GRK3: variants seen among roughly 807,000 people sequenced by gnomAD.
GRK3 encodes G protein-coupled receptor kinase 3.
In GRK3, 54 loss-of-function variants were observed where a neutral mutation model predicts 95.7. The ratio of observed to expected loss-of-function variants is 0.56; its 90% CI spans 0.45 to 0.71. GRK3 has a LOEUF of 0.71. GRK3 is among the 30% of genes least tolerant of loss of function. The pLI is 0.00. For missense variants in GRK3, 649 were observed against 851.2 expected (o/e 0.76, Z 2.96); for synonymous variants, 281 against 290.8 (o/e 0.97, Z 0.34).
At chr22:25,702,517 G>A (rs2085266852) in intron 13 of GRK3, among the ~76,000 whole-genome samples, 2 of 152,088 alleles carry the variant, frequency 1.3e-5, no homozygotes, top group Admixed American at 6.5e-5. Flanking sequence ...TCAATCATAT[G>A]TGTCCCTTTA....
chr22:25,612,505 CAT>C (rs56804697), intron 2 of GRK3, among the ~76,000 whole-genome samples: 15,710 of 151,568 alleles, frequency 0.1, 2,607 homozygotes, highest in African/African-American at 0.36. Context: ...GGTATGTCTG[CAT>C]GTGTGTGTGT....
chr22:25,716,356 C>T (rs1380930210), intron 18 of GRK3, among the ~76,000 whole-genome samples: 1 of 152,154 alleles, frequency 6.6e-6, no homozygotes, highest in Non-Finnish European at 1.5e-5. Context: ...GCAGATTTTA[C>T]ACAGGAAATT....
chr22:25,686,855 T>A (rs1347652051), intron 10 of GRK3, among the ~76,000 whole-genome samples: 1 of 152,230 alleles, frequency 6.6e-6, no homozygotes, highest in African/African-American at 2.4e-5. Flanking sequence ...ACGGAGTCTC[T>A]GTTGCCCAGG....
At chr22:25,661,743 AG>A in intron 4 of GRK3, 66 bp downstream of exon 4, 1 of 1,033,840 alleles carries the variant, frequency 9.7e-7, no homozygotes, top group Non-Finnish European at 1.4e-6. Context: ...CAGCGTTTCC[AG>A]AATGAAAGTT....
At chr22:25,658,778 G>A (rs968925815) in intron 3 of GRK3, among the ~76,000 whole-genome samples, 6 of 152,092 alleles carry the variant, frequency 3.9e-5, no homozygotes, top group South Asian at 2.1e-4. Context: ...GGGGCGTGGC[G>A]AAAGAGTGGA....
intron 7 of GRK3, 32 bp from the exon 8 acceptor site, chr22:25,674,405 T>C: frequency 6.5e-7 from 1 of 1,539,202 alleles, no homozygotes. Flanking sequence ...TTGTGTAATC[T>C]TATGTTTTCA....
At chr22:25,700,554 T>C (rs2085250289) in intron 13 of GRK3, among the ~76,000 whole-genome samples, 1 of 152,208 alleles carries the variant, frequency 6.6e-6, no homozygotes, top group Admixed American at 6.5e-5. Context: ...AGGTTTGAAA[T>C]GCACATTTAA....
At chr22:25,661,527 A>G (rs761039758) in intron 3 of GRK3, 49 bp from the exon 4 acceptor site, 3 of 1,268,384 alleles carry the variant, frequency 2.4e-6, no homozygotes, top group Non-Finnish European at 3.4e-6. Context: ...TTAATAAGGC[A>G]AGTTTCCAGG....
At chr22:25,565,434 A>G (rs113967075) in intron 1 of GRK3, among the ~76,000 whole-genome samples, 4,686 of 152,280 alleles carry the variant, frequency 0.031, 91 homozygotes, top group African/African-American at 0.055. Context: ...ACTTGGCTGG[A>G]CCAGCTCCAT....
intron 1 of GRK3, among the ~76,000 whole-genome samples, chr22:25,574,091 G>T (rs1430062825): frequency 1.3e-5 from 2 of 152,006 alleles, no homozygotes; most frequent in Non-Finnish European, 2.9e-5. Context: ...TCATTAAGTC[G>T]GTCCATTGAT....
At chr22:25,689,361 C>T (rs1221481463) in intron 11 of GRK3, among the ~76,000 whole-genome samples, 1 of 152,024 alleles carries the variant, frequency 6.6e-6, no homozygotes, top group African/African-American at 2.4e-5. Context: ...TTTTTATTTT[C>T]TAAGCTATTT....
intron 13 of GRK3, among the ~76,000 whole-genome samples, chr22:25,697,616 C>G (rs1170643211): frequency 6.6e-6 from 1 of 152,164 alleles, no homozygotes; most frequent in East Asian, 1.9e-4. Context: ...ATGGTTGGCT[C>G]CAGCTGCTGG....
chr22:25,627,343 C>T (rs952092309), intron 2 of GRK3, among the ~76,000 whole-genome samples: 1 of 152,232 alleles, frequency 6.6e-6, no homozygotes, highest in Non-Finnish European at 1.5e-5. Context: ...ATCCCTTAGC[C>T]TGGTGGCTGA....
chr22:25,581,516 C>T (rs935242681), intron 1 of GRK3: 38 of 152,298 alleles, frequency 2.5e-4, no homozygotes, highest in African/African-American at 8.9e-4. Flanking sequence ...AAAAGAGGCT[C>T]TGTGACACTG....
intron 8 of GRK3, among the ~76,000 whole-genome samples, chr22:25,675,648 T>G (rs981035474): frequency 6.6e-6 from 1 of 152,120 alleles, no homozygotes; most frequent in Non-Finnish European, 1.5e-5. Context: ...AGAAGGGGTG[T>G]TTGAGGCCCC....
intron 2 of GRK3, among the ~76,000 whole-genome samples, chr22:25,618,778 C>T (rs569967650): frequency 1.3e-5 from 2 of 151,432 alleles, no homozygotes; most frequent in South Asian, 4.2e-4. Flanking sequence ...CTCTTGATGC[C>T]CTCACCTCAG....
chr22:25,600,326 GA>G (rs895150346), intron 1 of GRK3, among the ~76,000 whole-genome samples: 1 of 152,000 alleles, frequency 6.6e-6, no homozygotes, highest in African/African-American at 2.4e-5. Context: ...TTGTAGTAAA[GA>G]CAGGGTTTCA....
At chr22:25,708,409 G>C (rs564243325) in intron 15 of GRK3, among the ~76,000 whole-genome samples, 2 of 152,248 alleles carry the variant, frequency 1.3e-5, no homozygotes, top group South Asian at 4.1e-4. Flanking sequence ...AGCCCTGCCT[G>C]CATCCTCTGA....
intron 1 of GRK3, among the ~76,000 whole-genome samples, chr22:25,595,541 C>T (rs2084366791): frequency 6.6e-6 from 1 of 152,018 alleles, no homozygotes; most frequent in Non-Finnish European, 1.5e-5. Context: ...CTGAATAGTA[C>T]AGTGAAGAAA....
Sources: allele counts gnomAD v4.1 joint callset (sites outside exome capture counted in the v4.1 genomes callset), GRCh38; gene constraint gnomAD v4.1.1; transcripts MANE v1.5; gene names NCBI Gene and HGNC (gene_info 2026-07-23, HGNC 2026-07-21).